P3H2: variants seen among roughly 807,000 people sequenced by gnomAD.
P3H2 encodes the protein prolyl 3-hydroxylase 2, also known as leprecan-like 1.
A neutral mutation model predicts 87.0 loss-of-function variants in P3H2; 80 were observed. That is an observed-to-expected ratio of 0.92 (90% CI 0.77 to 1.11). The LOEUF (loss-of-function observed/expected upper bound fraction) is 1.11, where lower values mean the gene tolerates loss of function less well. Among genes scored for constraint, P3H2 ranks in the 50% least tolerant of loss-of-function variants. The pLI is 0.00. For synonymous variants in P3H2, 367 were observed against 359.3 expected, an observed-to-expected ratio of 1.02 and a Z score of -0.24; for missense variants, 1,001 against 923.9, an observed-to-expected ratio of 1.08 and a Z score of -1.08.
At chr3:189,965,604 G>T (rs1421754323) in intron 13 of P3H2, among the ~76,000 whole-genome samples, 1 of 152,200 alleles carries the variant, frequency 6.6e-6, no homozygotes, top group Non-Finnish European at 1.5e-5. Context: ...GTATCAATGT[G>T]ATTCTGTTTT....
At chr3:190,073,125 G>A (rs1322067315) in intron 1 of P3H2, among the ~76,000 whole-genome samples, 3 of 152,150 alleles carry the variant, frequency 2.0e-5, no homozygotes. Context: ...TCAGAATTTG[G>A]CACTAAAGAA....
intron 1 of P3H2, among the ~76,000 whole-genome samples, chr3:190,094,308 C>G (rs1251156755): frequency 6.6e-6 from 1 of 152,228 alleles, no homozygotes; most frequent in Admixed American, 6.5e-5. Flanking sequence ...TTCTATTTAG[C>G]TTTCTTTAGT....
intron 1 of P3H2, among the ~76,000 whole-genome samples, chr3:190,114,176 AATTATT>A (rs200057448): frequency 2.1e-5 from 3 of 140,794 alleles, no homozygotes; most frequent in East Asian, 4.0e-4. Flanking sequence ...GCCCTCATCT[AATTATT>A]ATTATTATTT....
At chr3:190,120,209 A>G (rs1490987719) in intron 1 of P3H2, 43 bp downstream of exon 1, 2 of 1,595,174 alleles carry the variant, frequency 1.3e-6, no homozygotes, top group Admixed American at 3.5e-5. Flanking sequence ...AGAGCGTGTG[A>G]GAGCCGCAGG....
At chr3:190,089,318 T>C (rs1424547171) in intron 1 of P3H2, among the ~76,000 whole-genome samples, 1 of 152,194 alleles carries the variant, frequency 6.6e-6, no homozygotes, top group African/African-American at 2.4e-5. Context: ...TGTATACATA[T>C]GTAACAAACC....
At chr3:190,087,430 G>A (rs1393645819) in intron 1 of P3H2, among the ~76,000 whole-genome samples, 5 of 151,018 alleles carry the variant, frequency 3.3e-5, no homozygotes, top group African/African-American at 9.7e-5. Flanking sequence ...TGTAGTCCCA[G>A]CTACTCCGAA....
chr3:190,005,011 G>A (rs1724343074), intron 1 of P3H2, among the ~76,000 whole-genome samples: 1 of 151,576 alleles, frequency 6.6e-6, no homozygotes, highest in South Asian at 2.1e-4. Context: ...CAAATCACTT[G>A]TCACAAATCA....
chr3:189,996,372 A>G (rs552548012), intron 1 of P3H2, among the ~76,000 whole-genome samples: 1 of 152,348 alleles, frequency 6.6e-6, no homozygotes, highest in African/African-American at 2.4e-5. Flanking sequence ...AAGGACAAAT[A>G]CCACATGATC....
chr3:189,998,100 C>A (rs1724104127), intron 1 of P3H2, among the ~76,000 whole-genome samples: 1 of 152,126 alleles, frequency 6.6e-6, no homozygotes, highest in Admixed American at 6.5e-5. Context: ...TAATAGCATA[C>A]AATATATAAA....
chr3:190,009,843 CAG>C (rs1297471479), intron 1 of P3H2, among the ~76,000 whole-genome samples: 4 of 152,190 alleles, frequency 2.6e-5, no homozygotes, highest in Non-Finnish European at 5.9e-5. Flanking sequence ...GACAGTGAAG[CAG>C]AGAGATTCTG....
At chr3:190,116,604 G>A (rs1577332031) in intron 1 of P3H2, 1 of 152,404 alleles carries the variant, frequency 6.6e-6, no homozygotes, top group South Asian at 2.1e-4. Flanking sequence ...CGGCAGAGTT[G>A]GGGAAGATAG....
intron 1 of P3H2, among the ~76,000 whole-genome samples, chr3:190,092,853 C>T (rs931418037): frequency 6.6e-6 from 1 of 152,172 alleles, no homozygotes; most frequent in African/African-American, 2.4e-5. Context: ...TGTTTTTGCT[C>T]ATAGAACCAC....
chr3:190,044,115 A>G (rs937981123), intron 1 of P3H2, among the ~76,000 whole-genome samples: 19 of 152,230 alleles, frequency 1.2e-4, no homozygotes, highest in African/African-American at 4.6e-4. Flanking sequence ...GCAGGGTCAA[A>G]TAAGTGTTTC....
At chr3:190,066,671 A>C (rs145324518) in intron 1 of P3H2, among the ~76,000 whole-genome samples, 1 of 152,266 alleles carries the variant, frequency 6.6e-6, no homozygotes, top group East Asian at 1.9e-4. Context: ...CAATATAAAA[A>C]AAGTTTATGA....
chr3:190,080,140 A>G (rs1726996136), intron 1 of P3H2, among the ~76,000 whole-genome samples: 2 of 152,230 alleles, frequency 1.3e-5, no homozygotes, highest in Non-Finnish European at 2.9e-5. Flanking sequence ...GAGGTGGCAT[A>G]AGGGCCTGAC....
At chr3:190,005,621 C>T (rs760775376) in intron 1 of P3H2, among the ~76,000 whole-genome samples, 1 of 152,226 alleles carries the variant, frequency 6.6e-6, no homozygotes, top group Non-Finnish European at 1.5e-5. Context: ...AGCCTTTCCA[C>T]TTGTACCTTT....
rs560513920 is a variant in P3H2 at position 189,979,657 on chromosome 3, A to C, written c.1324+3389T>G. Among the ~76,000 whole-genome samples the C allele has an allele frequency of 1.5e-4, 23 of 152,120 alleles. 1 individual carries two copies. The South Asian group carries it at 4.8e-3, about 32-fold the overall frequency. The stretch of plus-strand genomic sequence containing the variant: ...CTGACTCTGGAATCATATCCAGCAC[A>C]ACCTTTAAAAATCTGGTGGGTGGGC... On this transcript the variant is annotated intron_variant, in intron 8 of 14. Coordinates refer to ENST00000319332, the MANE Select transcript of P3H2 (RefSeq NM_018192.4).
intron 11 of P3H2, 121 bp from the exon 12 acceptor site, chr3:189,972,128 A>G: frequency 1.4e-6 from 1 of 720,706 alleles, no homozygotes; most frequent in Non-Finnish European, 2.6e-6. Flanking sequence ...GGCAGACAAC[A>G]GGAAAGAACA....
chr3:190,103,634 G>A (rs990895695), intron 1 of P3H2, among the ~76,000 whole-genome samples: 8 of 152,144 alleles, frequency 5.3e-5, no homozygotes, highest in African/African-American at 1.7e-4. Context: ...AAGGCTGAAA[G>A]AGCACTGGGA....
Sources: allele counts gnomAD v4.1 joint callset (sites outside exome capture counted in the v4.1 genomes callset), GRCh38; gene constraint gnomAD v4.1.1; transcripts MANE v1.5; gene names NCBI Gene and HGNC (gene_info 2026-07-23, HGNC 2026-07-21).